Variants in GALNT9 observed in about 807,000 individuals in gnomAD.
The protein encoded by GALNT9 is GalNAc transferase 9.
Under a neutral mutation model 63.1 loss-of-function variants are expected in GALNT9, and 47 were observed. That is an observed-to-expected ratio of 0.75 (90% confidence interval 0.59 to 0.95). GALNT9 has a LOEUF of 0.95. Ranked by LOEUF, GALNT9 falls within the 40% of genes least tolerant of loss-of-function variation. The probability of loss-of-function intolerance (pLI) is 0.00; values close to 1 mark genes in which losing one functional copy is unlikely to be tolerated. For missense variants in GALNT9, 829 were observed against 874.8 expected (o/e 0.95, Z 0.66); for synonymous variants, 396 against 365.7 (o/e 1.08, Z -0.94).
In GALNT9 at chr12:132,201,147, T is replaced by C; in HGVS notation, c.1378A>G (p.Asn460Asp). 2 of 1,613,370 alleles carry C rather than the reference T, an allele frequency of 1.2e-6. No individual in the cohort carries two copies. Among genetic ancestry groups the C allele is most frequent in the Non-Finnish European group, 1.7e-6 (2 of 1,179,666 alleles). The change falls in exon 8 of 11, where the codon AAC becomes GAC. Residue 460 changes from asparagine (N) to aspartate (D), a missense_variant. By Grantham distance (23) the Asn-to-Asp change is conservative (BLOSUM62 1). Transcript: ENST00000328957. ...ENVYPEMRVY[N>D]NTLTYGEVRN... is the part of the protein sequence containing the mutation. The stretch of plus-strand genomic sequence containing the variant: ...ACCTCTCCGTACGTGAGGGTGTTGT[T>C]GTAGACCCTCATCTCCGGGTACACG...
chr12:132,249,110 CAG>C (rs1818311369), intron 5 of GALNT9, among the ~76,000 whole-genome samples: 1 of 152,210 alleles, frequency 6.6e-6, no homozygotes, highest in Non-Finnish European at 1.5e-5. Flanking sequence ...AAGGAGCAGG[CAG>C]AGTCTGTGTG....
At chr12:132,239,073 A>G (rs2136896415) in intron 6 of GALNT9, among the ~76,000 whole-genome samples, 1 of 152,096 alleles carries the variant, frequency 6.6e-6, no homozygotes, top group South Asian at 2.1e-4. Flanking sequence ...AATAATCAGA[A>G]AGCTTAGAAG....
chr12:132,290,958 G>A lies in GALNT9; in HGVS notation c.239-4528C>T, dbSNP rs1418294012. Among the ~76,000 whole-genome samples the A allele has an allele frequency of 2.3e-3, 49 of 21,162 alleles. 1 individual carries two copies. The highest frequency in any genetic ancestry group is 5.8e-3 in the South Asian group (2 of 342). 13.9% of individuals were successfully genotyped at this position (21,162 alleles called of 152,430 possible). ...CGTCCACACCACCCACATCCACAGC[G>A]CCCACATCCACAGCACCCACAACCA... is the stretch of plus-strand genomic sequence containing the variant. On this transcript the variant is annotated intron_variant, in intron 1 of 10. Transcript: ENST00000328957.
chr12:132,263,777 C>T (rs1189627788), intron 2 of GALNT9, among the ~76,000 whole-genome samples: 1 of 152,220 alleles, frequency 6.6e-6, no homozygotes, highest in African/African-American at 2.4e-5. Context: ...AGGGGCCCCA[C>T]AGGCACCGGC....
intron 1 of GALNT9, among the ~76,000 whole-genome samples, chr12:132,308,403 C>G (rs1881691697): frequency 6.6e-6 from 1 of 152,234 alleles, no homozygotes; most frequent in African/African-American, 2.4e-5. Flanking sequence ...CCCGAAACAC[C>G]CTGCCCCGGG....
intron 1 of GALNT9, among the ~76,000 whole-genome samples, chr12:132,318,049 T>G (rs1868604664): frequency 6.6e-6 from 1 of 152,162 alleles, no homozygotes; most frequent in Non-Finnish European, 1.5e-5. Flanking sequence ...GAGACCAGCC[T>G]GGGCAACATG....
intron 8 of GALNT9, 155 bp downstream of exon 8, chr12:132,200,969 G>A: frequency 1.5e-6 from 1 of 681,886 alleles, no homozygotes; most frequent in South Asian, 2.0e-5. Flanking sequence ...AGGAGTCAGG[G>A]CGGAAGGCCT....
chr12:132,209,236 G>T (rs1010457118), intron 6 of GALNT9, among the ~76,000 whole-genome samples: 2 of 152,118 alleles, frequency 1.3e-5, no homozygotes, highest in Admixed American at 6.5e-5. Flanking sequence ...GATAAAATAG[G>T]TTGCAGTAGG....
intron 6 of GALNT9, among the ~76,000 whole-genome samples, chr12:132,220,996 G>A (rs1360608792): frequency 6.7e-6 from 1 of 148,426 alleles, no homozygotes; most frequent in Non-Finnish European, 1.5e-5. Context: ...GGTGGAGGTT[G>A]CAGTGAGCTG....
intron 1 of GALNT9, among the ~76,000 whole-genome samples, chr12:132,305,335 A>G (rs1439332709): frequency 1.8e-4 from 4 of 22,686 alleles, no homozygotes; most frequent in African/African-American, 2.5e-4. Context: ...GCCCTCACCC[A>G]GACACGCCCT....
At chr12:132,222,883 C>A (rs1368341475) in intron 6 of GALNT9, among the ~76,000 whole-genome samples, 2 of 60,308 alleles carry the variant, frequency 3.3e-5, no homozygotes, top group Admixed American at 1.8e-4. Flanking sequence ...CACACATACA[C>A]CCCACACAAC....
At chr12:132,267,788 C>CATGCACTCACACAG (rs1566006085) in intron 2 of GALNT9, among the ~76,000 whole-genome samples, 6 of 100,882 alleles carry the variant, frequency 5.9e-5, no homozygotes, top group African/African-American at 2.2e-4. Flanking sequence ...CACGCACACA[C>CATGCACTCACACAG]ACGCACTCAC....
intron 1 of GALNT9, among the ~76,000 whole-genome samples, chr12:132,291,650 C>T (rs1231089073): frequency 1.9e-5 from 2 of 104,874 alleles, no homozygotes; most frequent in Admixed American, 1.8e-4. Flanking sequence ...TCCACAGCAC[C>T]CAGGTCCACA....
chr12:132,223,206 T>C (rs1173457792), intron 6 of GALNT9, among the ~76,000 whole-genome samples: 70 of 16,498 alleles, frequency 4.2e-3, no homozygotes, highest in East Asian at 8.0e-3. Flanking sequence ...ACATACACCC[T>C]ACACAACCCG....
At chr12:132,210,858 G>A (rs1336853206) in intron 6 of GALNT9, among the ~76,000 whole-genome samples, 4 of 151,232 alleles carry the variant, frequency 2.6e-5, no homozygotes, top group East Asian at 3.9e-4. Context: ...GCCGTCTGGC[G>A]GTTGCCATCT....
intron 2 of GALNT9, among the ~76,000 whole-genome samples, chr12:132,270,633 G>A (rs1400227748): frequency 3.9e-5 from 6 of 152,220 alleles, no homozygotes; most frequent in Non-Finnish European, 7.3e-5. Context: ...TGAGGTCCCA[G>A]GTGGAGCTGT....
intron 1 of GALNT9, among the ~76,000 whole-genome samples, chr12:132,304,630 G>C (rs183310236): frequency 0.02 from 83 of 4,234 alleles, 1 homozygote; most frequent in Admixed American, 0.03. Flanking sequence ...CAGCCTCACC[G>C]GGGCACACCC....
In GALNT9 at chr12:132,286,232, G is replaced by A; in HGVS notation, c.419+18C>T. The A allele has an allele frequency of 1.9e-6, 3 of 1,542,584 alleles. No individual in the cohort carries two copies. The highest frequency in any genetic ancestry group is 2.6e-6 in the Non-Finnish European group (3 of 1,141,264). On this transcript the variant is annotated intron_variant, in intron 2 of 10. Coordinates refer to ENST00000328957, the MANE Select transcript of GALNT9 (RefSeq NM_001122636.2). This position sits in a 1 kb window ranked among gnomAD's most constrained non-coding sequence, Gnocchi z 7.4. ...TCCTCGGCGGGCGTCGGGGGATGGGGGGCAGTCACTCACTCACTTTCTGGG... is the reference window on the plus strand; with the variant it reads ...TCCTCGGCGGGCGTCGGGGGATGGGAGGCAGTCACTCACTCACTTTCTGGG...
At chr12:132,307,843 AAAC>A (rs1488167394) in intron 1 of GALNT9, among the ~76,000 whole-genome samples, 2 of 151,776 alleles carry the variant, frequency 1.3e-5, no homozygotes, top group African/African-American at 2.4e-5. Flanking sequence ...CAAAACAAAC[AAAC>A]AACAACAACC....
Sources: allele counts gnomAD v4.1 joint callset (sites outside exome capture counted in the v4.1 genomes callset), GRCh38; gene constraint gnomAD v4.1.1; non-coding constraint Gnocchi (gnomAD v3.1); transcripts MANE v1.5; gene names NCBI Gene and HGNC (gene_info 2026-07-23, HGNC 2026-07-21).